The following NOL4 variants were observed in gnomAD, a reference collection of about 807,000 sequenced individuals.
NOL4 encodes the protein nucleolar protein 4.
In NOL4, 17 loss-of-function variants were observed where a neutral mutation model predicts 75.9. The ratio of observed to expected loss-of-function variants is 0.22; its 90% CI spans 0.15 to 0.34. The LOEUF (loss-of-function observed/expected upper bound fraction) is 0.34. NOL4 is among the 10% of genes least tolerant of loss of function. NOL4 has a pLI of 1.00. For missense variants in NOL4, 614 were observed against 793.5 expected, an observed-to-expected ratio of 0.77 and a Z score of 2.72; for synonymous variants, 292 against 289.9, an observed-to-expected ratio of 1.01 and a Z score of -0.07.
At position 33,916,601 on chromosome 18, in the gene NOL4, A is replaced by C. The variant is rs73414363; in HGVS notation, c.1542+26464T>G. Among the ~76,000 whole-genome samples the C allele has an allele frequency of 5.7e-3, 863 of 152,324 alleles. 13 individuals carry two copies. The highest frequency in any genetic ancestry group is 0.02 in the African/African-American group (813 of 41,580). ...AAAATAAAAAGAGAAGTCTGATTAC[A>C]TAGTTTTAATATCCAATGCTTATTT... On this transcript the variant is annotated intron_variant, in intron 9 of 10. Coordinates refer to ENST00000261592, the MANE Select transcript of NOL4 (RefSeq NM_003787.5).
intron 5 of NOL4, among the ~76,000 whole-genome samples, chr18:34,025,896 T>C (rs959219048): frequency 1.9e-4 from 29 of 152,114 alleles, no homozygotes; most frequent in African/African-American, 7.0e-4. Flanking sequence ...CCTTTAGGTA[T>C]TCTCCTAAAC....
chr18:34,009,210 T>G (rs2074234725), intron 6 of NOL4, among the ~76,000 whole-genome samples: 1 of 151,958 alleles, frequency 6.6e-6, no homozygotes, highest in African/African-American at 2.4e-5. Flanking sequence ...GAGTGCATGT[T>G]ACTCACAGAA....
chr18:33,957,547 G>A, intron 7 of NOL4, 30 bp from the exon 8 acceptor site: 1 of 1,555,438 alleles, frequency 6.4e-7, no homozygotes, highest in Non-Finnish European at 8.8e-7. Context: ...AGAGGAGAAG[G>A]GTTTGGAGGG....
At chr18:34,138,049 C>A (rs575743243) in intron 1 of NOL4, among the ~76,000 whole-genome samples, 62 of 152,018 alleles carry the variant, frequency 4.1e-4, no homozygotes, top group Admixed American at 7.9e-4. Flanking sequence ...ATGAAAGAGG[C>A]CAGACATAAA....
intron 5 of NOL4, among the ~76,000 whole-genome samples, chr18:34,020,758 T>TAA (rs892786386): frequency 2.6e-4 from 39 of 151,210 alleles, no homozygotes; most frequent in African/African-American, 9.0e-4. Context: ...CCAATTTTGT[T>TAA]AAAAAAAAAC....
chr18:33,883,233 T>C lies in NOL4; in HGVS notation c.1723+11A>G, dbSNP rs1460310895. On this transcript the variant is annotated intron_variant, in intron 10 of 10. Coordinates refer to ENST00000261592, the MANE Select transcript of NOL4 (RefSeq NM_003787.5). Reference sequence around the variant, plus strand: ...ATTAAAAAAAAAACACAATCTATGATAAATACTCACCACTGCTGGAAGCAT... The same window carrying C: ...ATTAAAAAAAAAACACAATCTATGACAAATACTCACCACTGCTGGAAGCAT... 1 of 1,562,496 alleles carries C rather than the reference T, an allele frequency of 6.4e-7. No individual in the cohort carries two copies. The highest frequency in any genetic ancestry group is 1.2e-5 in the South Asian group (1 of 82,972).
At chr18:33,896,707 T>C (rs891049170) in intron 9 of NOL4, among the ~76,000 whole-genome samples, 4 of 152,062 alleles carry the variant, frequency 2.6e-5, no homozygotes, top group African/African-American at 9.7e-5. Context: ...GACATATGAA[T>C]AGACAAAGAT....
At chr18:34,124,583 A>G (rs1568370152) in intron 2 of NOL4, among the ~76,000 whole-genome samples, 1 of 152,054 alleles carries the variant, frequency 6.6e-6, no homozygotes, top group Non-Finnish European at 1.5e-5. Flanking sequence ...ACCAAACGCT[A>G]TTAGGTGTGA....
intron 1 of NOL4, among the ~76,000 whole-genome samples, chr18:34,140,448 T>C (rs2081094479): frequency 6.6e-6 from 1 of 152,182 alleles, no homozygotes; most frequent in Admixed American, 6.6e-5. Flanking sequence ...CTTCTTTGTC[T>C]CTTTTGATCT....
intron 5 of NOL4, among the ~76,000 whole-genome samples, chr18:34,049,097 C>T (rs968294076): frequency 7.0e-6 from 1 of 143,404 alleles, no homozygotes; most frequent in African/African-American, 2.5e-5. Flanking sequence ...CACACACACA[C>T]ACACACACAC....
intron 9 of NOL4, among the ~76,000 whole-genome samples, chr18:33,935,793 G>A (rs2145474721): frequency 6.6e-6 from 1 of 152,190 alleles, no homozygotes; most frequent in Middle Eastern, 3.4e-3. Flanking sequence ...TTCCTATATA[G>A]TATATTTTCT....
chr18:34,204,857 T>C (rs908518343), intron 1 of NOL4, among the ~76,000 whole-genome samples: 1 of 152,136 alleles, frequency 6.6e-6, no homozygotes, highest in African/African-American at 2.4e-5. Context: ...AACTGGCACA[T>C]GCATCACATC....
At chr18:33,917,241 A>T (rs1054200726) in intron 9 of NOL4, among the ~76,000 whole-genome samples, 11 of 147,198 alleles carry the variant, frequency 7.5e-5, no homozygotes, top group African/African-American at 2.8e-4. Context: ...AACTGTGGGC[A>T]AGTATGCTGA....
intron 4 of NOL4, among the ~76,000 whole-genome samples, chr18:34,101,284 T>A (rs1182076149): frequency 6.6e-6 from 1 of 152,186 alleles, no homozygotes; most frequent in Non-Finnish European, 1.5e-5. Flanking sequence ...TTCTCTTCCA[T>A]GGAAGCCCTT....
chr18:34,048,551 G>A, intron 5 of NOL4: 1 of 985,330 alleles, frequency 1.0e-6, no homozygotes, highest in Non-Finnish European at 1.2e-6. Context: ...GTGCACCCAG[G>A]GATTAGTCTG....
intron 5 of NOL4, among the ~76,000 whole-genome samples, chr18:34,085,757 A>G (rs533266835): frequency 2.3e-4 from 35 of 152,356 alleles, no homozygotes; most frequent in African/African-American, 8.2e-4. Context: ...AAATAAATAT[A>G]CAACTAAACA....
chr18:34,047,345 G>T (rs1371349972), intron 5 of NOL4, among the ~76,000 whole-genome samples: 1 of 151,968 alleles, frequency 6.6e-6, no homozygotes, highest in East Asian at 1.9e-4. Flanking sequence ...TTACTAGCAG[G>T]ATTTTACACA....
intron 1 of NOL4, among the ~76,000 whole-genome samples, chr18:34,143,481 T>A (rs1358031477): frequency 6.6e-6 from 1 of 152,182 alleles, no homozygotes; most frequent in Non-Finnish European, 1.5e-5. Context: ...ATACAACTTT[T>A]GAATACTTTT....
chr18:34,180,724 G>A (rs1440554491), intron 1 of NOL4, among the ~76,000 whole-genome samples: 3 of 151,354 alleles, frequency 2.0e-5, no homozygotes, highest in Non-Finnish European at 3.0e-5. Flanking sequence ...GGAATCCCCT[G>A]AAACACTGAT....
Sources: allele counts gnomAD v4.1 joint callset (sites outside exome capture counted in the v4.1 genomes callset), GRCh38; gene constraint gnomAD v4.1.1; transcripts MANE v1.5; gene names NCBI Gene and HGNC (gene_info 2026-07-23, HGNC 2026-07-21).